The following ASB3 variants were observed in gnomAD, a reference collection of about 807,000 sequenced individuals.
ASB3 encodes ankyrin repeat and SOCS box protein 3.
In ASB3, 41 loss-of-function variants were observed where a neutral mutation model predicts 54.5. That is an observed-to-expected ratio of 0.75 (90% confidence interval 0.59 to 0.98). ASB3 has a LOEUF of 0.98. ASB3 is among the 50% of genes least tolerant of loss of function. ASB3 has a pLI of 0.00. For missense variants in ASB3, 733 were observed against 620.0 expected, an observed-to-expected ratio of 1.18 and a Z score of -1.94; for synonymous variants, 266 against 221.2, an observed-to-expected ratio of 1.20 and a Z score of -1.80.
intron 1 of ASB3, among the ~76,000 whole-genome samples, chr2:53,776,828 A>T (rs1447232982): frequency 6.6e-6 from 1 of 152,112 alleles, no homozygotes; most frequent in Non-Finnish European, 1.5e-5. Flanking sequence ...CAAAAAACTA[A>T]AATAAAACCT....
chr2:53,744,539 T>C lies in ASB3; in HGVS notation c.355+6244A>G, dbSNP rs553625958. On this transcript the variant is annotated intron_variant, in intron 3 of 9. Transcript: ENST00000263634. ...CTTTTAGTAAACTCCATACTTTCAATCTAAGAAAACTCAAACCCGTATTTT... is the reference window on the plus strand; with the variant it reads ...CTTTTAGTAAACTCCATACTTTCAACCTAAGAAAACTCAAACCCGTATTTT... Among the ~76,000 whole-genome samples, 15 of 152,210 alleles carry C rather than the reference T, an allele frequency of 9.9e-5. No individual in the cohort carries two copies. In the South Asian group the frequency reaches 1.9e-3, roughly 19 times the overall value.
chr2:53,712,912 T>A (rs146652443), intron 7 of ASB3, among the ~76,000 whole-genome samples: 1 of 152,184 alleles, frequency 6.6e-6, no homozygotes, highest in South Asian at 2.1e-4. Flanking sequence ...CTAAAGTAAT[T>A]AGGGCTCTTC....
At chr2:53,709,813 G>A (rs77367875) in intron 7 of ASB3, among the ~76,000 whole-genome samples, 8,713 of 152,236 alleles carry the variant, frequency 0.057, 476 homozygotes, top group East Asian at 0.28. Context: ...ATCAGGGCTT[G>A]TGTATGTGAT....
intron 3 of ASB3, among the ~76,000 whole-genome samples, chr2:53,731,236 C>T (rs902374227): frequency 6.6e-6 from 1 of 152,070 alleles, no homozygotes. Context: ...CCCGTCTCTA[C>T]TAAAAATACA....
At chr2:53,691,951 C>A (rs915706248) in intron 9 of ASB3, among the ~76,000 whole-genome samples, 3 of 152,168 alleles carry the variant, frequency 2.0e-5, no homozygotes, top group African/African-American at 7.2e-5. Context: ...CACGATAGGA[C>A]AACACAAGAG....
intron 9 of ASB3, among the ~76,000 whole-genome samples, chr2:53,681,876 C>T (rs758441877): frequency 1.3e-5 from 2 of 152,014 alleles, no homozygotes; most frequent in African/African-American, 4.8e-5. Flanking sequence ...TTTAGGATTG[C>T]TGGCTGGGCG....
At chr2:53,688,735 G>A (rs974839049) in intron 9 of ASB3, among the ~76,000 whole-genome samples, 1 of 151,982 alleles carries the variant, frequency 6.6e-6, no homozygotes, top group African/African-American at 2.4e-5. Context: ...GTTGAACAAT[G>A]AGAACACATG....
chr2:53,706,727 G>A (rs943270168), intron 7 of ASB3, among the ~76,000 whole-genome samples: 1 of 152,188 alleles, frequency 6.6e-6, no homozygotes, highest in East Asian at 1.9e-4. Context: ...TTATAGGCAT[G>A]AGCCACTGCA....
intron 7 of ASB3, among the ~76,000 whole-genome samples, chr2:53,709,715 T>C (rs1204281221): frequency 6.6e-6 from 1 of 152,192 alleles, no homozygotes; most frequent in African/African-American, 2.4e-5. Flanking sequence ...ATTTCAGAGA[T>C]AATGTGTGAG....
chr2:53,715,800 ATC>A (rs1442346165), intron 6 of ASB3, among the ~76,000 whole-genome samples: 3 of 152,170 alleles, frequency 2.0e-5, no homozygotes, highest in African/African-American at 7.2e-5. Context: ...AAATTGCAGA[ATC>A]TGTTTTCCTA....
At chr2:53,779,596 C>G (rs1025681656) in intron 1 of ASB3, among the ~76,000 whole-genome samples, 2 of 152,100 alleles carry the variant, frequency 1.3e-5, no homozygotes, top group African/African-American at 4.8e-5. Context: ...GCCACCATGC[C>G]TGGCTAATTT....
At chr2:53,735,811 A>T (rs1572936153) in intron 3 of ASB3, among the ~76,000 whole-genome samples, 2 of 152,274 alleles carry the variant, frequency 1.3e-5, no homozygotes, top group Middle Eastern at 6.8e-3. Context: ...AGACTAATAA[A>T]ACAACTGAAA....
chr2:53,692,031 G>C (rs1195873567), intron 9 of ASB3, among the ~76,000 whole-genome samples: 1 of 152,160 alleles, frequency 6.6e-6, no homozygotes, highest in Non-Finnish European at 1.5e-5. Context: ...TTTAGTGTAG[G>C]AGGCTGTCTT....
intron 3 of ASB3, among the ~76,000 whole-genome samples, chr2:53,746,294 CA>C (rs1387318951): frequency 6.6e-6 from 1 of 151,670 alleles, no homozygotes; most frequent in East Asian, 1.9e-4. Flanking sequence ...GACCCTACAT[CA>C]AAAAATAAAA....
At position 53,707,600 on chromosome 2, in the gene ASB3, T is replaced by C. The variant is rs368262166; in HGVS notation, c.980+6784A>G. On this transcript the variant is annotated intron_variant, in intron 7 of 9. Transcript: ENST00000263634. ...AGGCAGAGCTTGCAGTGAGCTGAGATCGCACCACTGCACTCCAGCCTGGGC... is the reference window on the plus strand; with the variant it reads ...AGGCAGAGCTTGCAGTGAGCTGAGACCGCACCACTGCACTCCAGCCTGGGC... Among the ~76,000 whole-genome samples the C allele has an allele frequency of 2.7e-5, 4 of 148,296 alleles. No homozygotes were observed. In the Admixed American group the frequency reaches 2.7e-4, roughly 10 times the overall value.
At chr2:53,780,429 G>A (rs1431463237) in intron 1 of ASB3, among the ~76,000 whole-genome samples, 5 of 152,020 alleles carry the variant, frequency 3.3e-5, no homozygotes, top group African/African-American at 1.2e-4. Context: ...CATATTTGGT[G>A]GAGAAACACA....
intron 9 of ASB3, among the ~76,000 whole-genome samples, chr2:53,684,514 G>C (rs1216585198): frequency 6.6e-6 from 1 of 152,194 alleles, no homozygotes; most frequent in Non-Finnish European, 1.5e-5. Context: ...CTGATTATGA[G>C]AAAGAGCATT....
At chr2:53,732,940 C>T (rs1671402051) in intron 3 of ASB3, among the ~76,000 whole-genome samples, 1 of 152,194 alleles carries the variant, frequency 6.6e-6, no homozygotes, top group Admixed American at 6.5e-5. Context: ...AGACCCATAA[C>T]TGTGCTGAAT....
chr2:53,696,067 C>T (rs1334385244), intron 8 of ASB3, among the ~76,000 whole-genome samples: 3 of 152,070 alleles, frequency 2.0e-5, no homozygotes, highest in African/African-American at 4.8e-5. Context: ...TTATCATATG[C>T]AGTGTAAACA....
Sources: allele counts gnomAD v4.1 joint callset (sites outside exome capture counted in the v4.1 genomes callset), GRCh38; gene constraint gnomAD v4.1.1; transcripts MANE v1.5; gene names NCBI Gene and HGNC (gene_info 2026-07-23, HGNC 2026-07-21).